Variants in NCK2 observed in about 807,000 individuals in gnomAD.
NCK2 encodes the protein cytoplasmic protein NCK2.
Under a neutral mutation model 33.9 loss-of-function variants are expected in NCK2, and 16 were observed. The observed-to-expected ratio is 0.47, with a 90% CI of 0.32 to 0.72. The LOEUF (loss-of-function observed/expected upper bound fraction) is 0.72. Ranked by LOEUF, NCK2 falls within the 30% of genes least tolerant of loss-of-function variation. The probability of loss-of-function intolerance (pLI) is 0.03; values close to 1 mark genes in which losing one functional copy is unlikely to be tolerated. For synonymous variants in NCK2, 273 were observed against 239.9 expected (o/e 1.14, Z -1.27); for missense variants, 418 against 537.3 (o/e 0.78, Z 2.19).
At chr2:105,812,487 C>T (rs1675324122) in intron 1 of NCK2, among the ~76,000 whole-genome samples, 1 of 152,224 alleles carries the variant, frequency 6.6e-6, no homozygotes, top group Non-Finnish European at 1.5e-5. Context: ...TCAGACAGCG[C>T]TGACCCCGTG....
chr2:105,859,828 A>G (rs1470066361), intron 3 of NCK2, among the ~76,000 whole-genome samples: 1 of 152,232 alleles, frequency 6.6e-6, no homozygotes, highest in Non-Finnish European at 1.5e-5. Context: ...GCAGAGCCTC[A>G]GTGAAGGTAC....
At chr2:105,755,168 T>C (rs1337028799) in intron 1 of NCK2, among the ~76,000 whole-genome samples, 1 of 152,206 alleles carries the variant, frequency 6.6e-6, no homozygotes, top group Non-Finnish European at 1.5e-5. Flanking sequence ...TTAAGCCATC[T>C]GTCTTGCTTC....
In NCK2 at chr2:105,810,740, G is replaced by T. The variant is rs551136278; in HGVS notation, c.-200-5690G>T. On this transcript the variant is annotated intron_variant, in intron 1 of 4. Transcript: ENST00000233154. Reference sequence around the variant, plus strand: ...CCTTTTAGAGAATGGAGTACTGCTGGATTTAAGAGGCTAGCATTAAATATA... The same window carrying T: ...CCTTTTAGAGAATGGAGTACTGCTGTATTTAAGAGGCTAGCATTAAATATA... Among the ~76,000 whole-genome samples the T allele has an allele frequency of 3.9e-5, 6 of 152,310 alleles. No homozygotes were observed. In the South Asian group the frequency reaches 6.2e-4, roughly 16 times the overall value.
intron 1 of NCK2, among the ~76,000 whole-genome samples, chr2:105,795,057 A>G (rs1156840398): frequency 6.6e-6 from 1 of 152,168 alleles, no homozygotes; most frequent in Non-Finnish European, 1.5e-5. Context: ...AAAACTGAGC[A>G]GAAGGTACAG....
intron 3 of NCK2, among the ~76,000 whole-genome samples, chr2:105,866,227 T>C (rs1677748487): frequency 6.6e-6 from 1 of 152,224 alleles, no homozygotes; most frequent in African/African-American, 2.4e-5. Context: ...ATATTACTTT[T>C]AAAATTTGGA....
intron 3 of NCK2, among the ~76,000 whole-genome samples, chr2:105,875,083 G>A (rs201262001): frequency 6.6e-6 from 1 of 152,220 alleles, no homozygotes; most frequent in Non-Finnish European, 1.5e-5. Flanking sequence ...GGCACAGTTG[G>A]TGGCTGGTCT....
At chr2:105,868,715 C>G (rs1232021754) in intron 3 of NCK2, among the ~76,000 whole-genome samples, 1 of 152,150 alleles carries the variant, frequency 6.6e-6, no homozygotes, top group African/African-American at 2.4e-5. Context: ...TGTGGGTTTT[C>G]TTTTTCTTCT....
At chr2:105,751,570 C>T (rs1354994550) in intron 1 of NCK2, among the ~76,000 whole-genome samples, 2 of 152,178 alleles carry the variant, frequency 1.3e-5, no homozygotes, top group Admixed American at 6.5e-5. Context: ...AGCTACAAGT[C>T]ATCTGTGGCC....
At chr2:105,875,149 T>C (rs1162275617) in intron 3 of NCK2, among the ~76,000 whole-genome samples, 1 of 152,230 alleles carries the variant, frequency 6.6e-6, no homozygotes, top group South Asian at 2.1e-4. Context: ...CACTCCTTGC[T>C]GTCCATCTTG....
chr2:105,804,093 A>G (rs1674943400), intron 1 of NCK2, among the ~76,000 whole-genome samples: 1 of 152,194 alleles, frequency 6.6e-6, no homozygotes, highest in African/African-American at 2.4e-5. Context: ...TTATATACAT[A>G]GAGGCAGTGG....
intron 4 of NCK2, among the ~76,000 whole-genome samples, chr2:105,887,680 T>A (rs1275176198): frequency 1.3e-5 from 2 of 152,134 alleles, no homozygotes; most frequent in Admixed American, 6.5e-5. Flanking sequence ...GAGGAGGAAA[T>A]AAAGGATATT....
At chr2:105,788,410 T>C (rs1238950975) in intron 1 of NCK2, among the ~76,000 whole-genome samples, 1 of 152,178 alleles carries the variant, frequency 6.6e-6, no homozygotes, top group Non-Finnish European at 1.5e-5. Flanking sequence ...CATGCTTAGG[T>C]TTCCTTTTTC....
intron 1 of NCK2, among the ~76,000 whole-genome samples, chr2:105,794,611 C>T (rs1408309418): frequency 6.6e-6 from 1 of 152,126 alleles, no homozygotes; most frequent in Non-Finnish European, 1.5e-5. Flanking sequence ...CCTCTCTGTA[C>T]TTAAGCCACC....
At chr2:105,837,805 G>A (rs976624923) in intron 2 of NCK2, among the ~76,000 whole-genome samples, 19 of 152,144 alleles carry the variant, frequency 1.2e-4, no homozygotes, top group Admixed American at 9.2e-4. Context: ...AAATGGGATC[G>A]TATTGTGGTC....
In NCK2 at chr2:105,835,393, A is replaced by ATATATATATATATATATATATGTGTGTG. The variant is rs371518634; in HGVS notation, c.-17+18792_-17+18793insTATATATATGTGTGTGTATATATATATA. ...TATATATACATATATATACACATATATATATATATATACGTGTATATATAT... is the reference window on the plus strand; with the variant it reads ...TATATATACATATATATACACATATATATATATATATATATATATATGTGTGTGTATATATATATACGTGTATATATAT... On this transcript the variant is annotated intron_variant, in intron 2 of 4. Coordinates refer to ENST00000233154, the MANE Select transcript of NCK2 (RefSeq NM_003581.5). Among the ~76,000 whole-genome samples the ATATATATATATATATATATATGTGTGTG allele has an allele frequency of 6.6e-4, 34 of 51,674 alleles. 3 individuals carry two copies. The highest frequency in any genetic ancestry group is 8.2e-4 in the African/African-American group (12 of 14,630). The allele number at this position is 51,674 out of a possible 152,430, so 33.9% of individuals were successfully genotyped here.
intron 1 of NCK2, among the ~76,000 whole-genome samples, chr2:105,773,092 C>T (rs1168371018): frequency 6.6e-6 from 1 of 151,320 alleles, no homozygotes; most frequent in African/African-American, 2.4e-5. Context: ...AGAGACAGGC[C>T]CTCACTGTGT....
At chr2:105,889,613 T>G (rs1425688296) in intron 4 of NCK2, among the ~76,000 whole-genome samples, 1 of 149,010 alleles carries the variant, frequency 6.7e-6, no homozygotes, top group Non-Finnish European at 1.5e-5. Flanking sequence ...AGATAGGGTC[T>G]CACTCTGTCA....
chr2:105,836,171 G>T, intron 2 of NCK2, among the ~76,000 whole-genome samples: 1 of 148,998 alleles, frequency 6.7e-6, no homozygotes, highest in African/African-American at 2.5e-5. Flanking sequence ...AGGTTTTATT[G>T]TTTCCTTGCT....
At chr2:105,788,480 A>G (rs1299117491) in intron 1 of NCK2, among the ~76,000 whole-genome samples, 1 of 152,130 alleles carries the variant, frequency 6.6e-6, no homozygotes, top group Non-Finnish European at 1.5e-5. Context: ...ATTAATAGGG[A>G]TTCTGAAACT....
Sources: allele counts gnomAD v4.1 joint callset (sites outside exome capture counted in the v4.1 genomes callset), GRCh38; gene constraint gnomAD v4.1.1; transcripts MANE v1.5; gene names NCBI Gene and HGNC (gene_info 2026-07-23, HGNC 2026-07-21).